VPS37B: variants seen among roughly 807,000 people sequenced by gnomAD.
VPS37B encodes the protein VPS37B subunit of ESCRT-I.
In VPS37B, 11 loss-of-function variants were observed where a neutral mutation model predicts 21.2. That is an observed-to-expected ratio of 0.52 (90% confidence interval 0.33 to 0.86). The LOEUF is 0.86. Ranked by LOEUF, VPS37B falls within the 40% of genes least tolerant of loss-of-function variation. The pLI is 0.03. For synonymous variants in VPS37B, 175 were observed against 159.6 expected, an observed-to-expected ratio of 1.10 and a Z score of -0.73; for missense variants, 389 against 374.8, an observed-to-expected ratio of 1.04 and a Z score of -0.31.
At chr12:122,895,372 G>A (rs2034476227) in intron 1 of VPS37B, among the ~76,000 whole-genome samples, 2 of 130,494 alleles carry the variant, frequency 1.5e-5, no homozygotes, top group African/African-American at 6.0e-5. Flanking sequence ...CAGTCCCCCT[G>A]GTTGTCCCCA....
chr12:122,893,059 C>CAAA lies in VPS37B; in HGVS notation c.111+2890_111+2892dup, dbSNP rs11429369. ...TGGGCAACAGAGCAAGATCCTTTCT[C>CAAA]AAAAAAAAAAAAAAAGGAAAAGGTA... On this transcript the variant is annotated intron_variant, in intron 1 of 3. Transcript: ENST00000267202. 1.8e-4 allele frequency among the ~76,000 whole-genome samples: 25 copies of CAAA among 139,226 alleles called. 1 individual carries two copies. In the South Asian group the frequency reaches 3.2e-3, roughly 18 times the overall value. 91.3% of individuals were successfully genotyped at this position (139,226 alleles called of 152,430 possible). A position where few individuals can be genotyped will look rare whatever the true frequency, so the allele number is the denominator to read the frequency against.
intron 1 of VPS37B, chr12:122,872,397 A>G (rs1388087015): frequency 1.0e-6 from 1 of 985,366 alleles, no homozygotes; most frequent in Non-Finnish European, 1.2e-6. Flanking sequence ...CTGAAACCCA[A>G]CAGGATTTAA....
In VPS37B at chr12:122,865,833, G is replaced by A. The variant is rs1256533119; in HGVS notation, c.*1283C>T. Reference sequence around the variant, plus strand: ...GCACCTCGGCCTTTTCCGTCAACAGGTGCCACTGCCCCCTGCTGGGCCCTG... The same window carrying A: ...GCACCTCGGCCTTTTCCGTCAACAGATGCCACTGCCCCCTGCTGGGCCCTG... On this transcript the variant is annotated 3_prime_UTR_variant, in exon 4 of 4. Transcript: ENST00000267202. The A allele has an allele frequency of 6.6e-6, 1 of 152,320 alleles. No homozygotes were observed. The highest frequency in any genetic ancestry group is 1.5e-5 in the Non-Finnish European group (1 of 68,106). 9.4% of individuals were successfully genotyped at this position (152,320 alleles called of 1,614,324 possible). A position where few individuals can be genotyped will look rare whatever the true frequency, so the allele number is the denominator to read the frequency against.
In VPS37B at chr12:122,889,961, C is replaced by A. The variant is rs138620388; in HGVS notation, c.111+5991G>T. 4.4e-3 allele frequency: 668 copies of A among 152,410 alleles called. 5 individuals carry two copies. The Middle Eastern group carries it at 0.051, about 12-fold the overall frequency. 9.4% of individuals were successfully genotyped at this position (152,410 alleles called of 1,614,324 possible). On this transcript the variant is annotated intron_variant, in intron 1 of 3. Transcript: ENST00000267202. The stretch of plus-strand genomic sequence containing the variant: ...CTTTCCTGCCTCTGTGCCTGTGTCA[C>A]TTCCTCCTGAGCCCCCATTTTTGTC...
intron 1 of VPS37B, chr12:122,880,684 AAAAC>A (rs1290539707): frequency 2.6e-5 from 4 of 152,062 alleles, no homozygotes; most frequent in African/African-American, 7.3e-5. Context: ...GGAAAAAAAA[AAAAC>A]AAACACGACA....
At chr12:122,873,706 A>G (rs759116731) in intron 1 of VPS37B, 1 of 152,274 alleles carries the variant, frequency 6.6e-6, no homozygotes, top group Non-Finnish European at 1.5e-5. Flanking sequence ...CATCCTGCCT[A>G]CACCAGCAGC....
In VPS37B at chr12:122,888,631, G is replaced by A. The variant is rs559478308; in HGVS notation, c.111+7321C>T. The A allele has an allele frequency of 2.6e-5, 12 of 455,676 alleles. No individual in the cohort carries two copies. In the East Asian group the frequency reaches 4.9e-4, roughly 18 times the overall value. 28.2% of individuals were successfully genotyped at this position (455,676 alleles called of 1,614,324 possible). Reference sequence around the variant, plus strand: ...GAACACAACCACTCTGCATACGACCGACCGGTGAGGGTCAAACAGTGCAGT... The same window carrying A: ...GAACACAACCACTCTGCATACGACCAACCGGTGAGGGTCAAACAGTGCAGT... On this transcript the variant is annotated intron_variant, in intron 1 of 3. Transcript: ENST00000267202.
At chr12:122,869,113 G>A (rs2033969563) in intron 2 of VPS37B, among the ~76,000 whole-genome samples, 1 of 152,212 alleles carries the variant, frequency 6.6e-6, no homozygotes, top group Non-Finnish European at 1.5e-5. Context: ...GCTCAGGTCT[G>A]TGAATCAGTT....
At chr12:122,873,642 G>GGCCT (rs2034082467) in intron 1 of VPS37B, 1 of 152,196 alleles carries the variant, frequency 6.6e-6, no homozygotes, top group South Asian at 2.1e-4. Context: ...GGCCCCAAAT[G>GGCCT]GCCTGGTCCC....
chr12:122,892,187 G>GT (rs765462544), intron 1 of VPS37B, among the ~76,000 whole-genome samples: 4 of 152,176 alleles, frequency 2.6e-5, no homozygotes, highest in Non-Finnish European at 5.9e-5. Context: ...CTGCAGCACA[G>GT]ACAAGAGAAT....
chr12:122,877,554 A>C (rs1215965946), intron 1 of VPS37B: 1 of 152,136 alleles, frequency 6.6e-6, no homozygotes, highest in Non-Finnish European at 1.5e-5. Flanking sequence ...GCCACAAGCA[A>C]GCATCTTGTT....
chr12:122,870,787 C>A, intron 2 of VPS37B, 103 bp downstream of exon 2: 251 of 1,197,764 alleles, frequency 2.1e-4, no homozygotes, highest in East Asian at 5.9e-4. Flanking sequence ...GCTATCTTAA[C>A]CTGAAATTTT....
At position 122,867,424 on chromosome 12, in the gene VPS37B, C is replaced by A. The variant is rs753171318; in HGVS notation, c.550G>T (p.Ala184Ser). 6.2e-7 allele frequency: 1 copy of A among 1,608,484 alleles called. No homozygotes were observed. The highest frequency in any genetic ancestry group is 2.2e-5 in the East Asian group (1 of 44,680). Residue 184 changes from alanine (A) to serine (S), a missense_variant, in exon 4 of 4, where the codon GCA (alanine) becomes TCA (serine). Ala to Ser is a moderately conservative substitution (Grantham distance 99). Coordinates refer to ENST00000267202, the MANE Select transcript of VPS37B (RefSeq NM_024667.3). The surrounding 1 kb of genome is among the most constrained non-coding windows in gnomAD (Gnocchi z 5.5). The stretch of plus-strand genomic sequence containing the variant: ...GGGTAGGGAAGGGGGGCGGTAGGTG[C>A]CAGTTCGGGCAGCCTGGGGGGCAGC... Reference protein sequence around the residue: ...APLPPRLPELAPTAPLPYPAP... With the variant: ...APLPPRLPELSPTAPLPYPAP...
intron 1 of VPS37B, chr12:122,886,533 A>G (rs1353471851): frequency 1.3e-5 from 2 of 152,194 alleles, no homozygotes; most frequent in Non-Finnish European, 2.9e-5. Context: ...CGTTTGATGG[A>G]GGCTGCAGTG....
At chr12:122,896,124 CGCCGCCCTCAAGG>C, upstream of VPS37B, 10 of 1,393,262 alleles carry the variant, frequency 7.2e-6, no homozygotes, top group East Asian at 1.9e-4. Context: ...CGACCGGAAG[CGCCGCCCTCAAGG>C]GCCGCCCCCC....
chr12:122,874,947 C>CAAAAAAA (rs373294425), intron 1 of VPS37B: 1 of 103,932 alleles, frequency 9.6e-6, no homozygotes, highest in Non-Finnish European at 2.0e-5. Context: ...AACTCCGTCT[C>CAAAAAAA]AAAAAAAAAA....
chr12:122,867,288 G>A lies in VPS37B; in HGVS notation c.686C>T (p.Ser229Leu), dbSNP rs746599217. The A allele has an allele frequency of 3.5e-6, 5 of 1,408,532 alleles. No individual in the cohort carries two copies. The highest frequency in any genetic ancestry group is 3.4e-5 in the East Asian group (1 of 29,396). The allele number at this position is 1,408,532 out of a possible 1,614,324, so 87.3% of individuals were successfully genotyped here. The change falls in exon 4 of 4, where the codon TCG becomes TTG. Residue 229 changes from serine to leucine, a missense_variant. Physicochemically the swap from Ser to Leu is moderately radical, Grantham distance 145. Transcript: ENST00000267202. The surrounding 1 kb of genome is among the most constrained non-coding windows in gnomAD (Gnocchi z 5.5). ...LATPFTAAMS[S>L]GQAVPYPGLQ... is the part of the protein sequence containing the mutation. Reference sequence around the variant, plus strand: ...TCCTGGGTACGGCACGGCCTGTCCCGAACTCATGGCCGCAGTAAACGGGGT... The same window carrying A: ...TCCTGGGTACGGCACGGCCTGTCCCAAACTCATGGCCGCAGTAAACGGGGT...
At chr12:122,888,436 C>G (rs996065265) in intron 1 of VPS37B, 8 of 404,576 alleles carry the variant, frequency 2.0e-5, no homozygotes, top group Middle Eastern at 3.5e-4. Flanking sequence ...CCAACGAGAA[C>G]TCTTGTCTCA....
chr12:122,882,727 G>A (rs977485842), intron 1 of VPS37B: 1 of 152,204 alleles, frequency 6.6e-6, no homozygotes, highest in East Asian at 1.9e-4. Flanking sequence ...TGCAATTTGA[G>A]TTTGAGCTTT....
Sources: gnomAD v4.1 joint callset for allele counts (sites outside exome capture counted in the v4.1 genomes callset) on GRCh38, gnomAD v4.1.1 for gene constraint, Gnocchi (gnomAD v3.1) non-coding constraint, MANE v1.5 for transcripts, NCBI Gene and HGNC (gene_info 2026-07-23, HGNC 2026-07-21) for gene names.